The following TBC1D5 variants were observed in gnomAD, a reference collection of about 807,000 sequenced individuals.
TBC1D5 encodes TBC1 domain family, member 5.
In TBC1D5, 75 loss-of-function variants were observed where a neutral mutation model predicts 100.3. That is an observed-to-expected ratio of 0.75 (90% CI 0.62 to 0.91). TBC1D5 has a LOEUF of 0.91. Among genes scored for constraint, TBC1D5 ranks in the 40% least tolerant of loss-of-function variants. TBC1D5 has a pLI of 0.00. For synonymous variants in TBC1D5, 323 were observed against 325.6 expected (o/e 0.99, Z 0.09); for missense variants, 910 against 942.4 (o/e 0.97, Z 0.45).
At chr3:17,157,573 CA>C (rs10718493) in exon 22 of TBC1D5, 30,552 of 152,294 alleles carry the variant, frequency 0.2, 3,729 homozygotes, top group East Asian at 0.56. Context: ...GGGCAGGGGC[CA>C]GGGGCCAGGT....
intron 13 of TBC1D5, chr3:17,337,557 T>C (rs577446173): frequency 2.0e-5 from 3 of 152,318 alleles, no homozygotes; most frequent in South Asian, 2.1e-4. Context: ...GGATCCTTAA[T>C]TGAGCCTCTT....
chr3:17,566,172 T>C (rs1304322853), intron 2 of TBC1D5, among the ~76,000 whole-genome samples: 3 of 152,070 alleles, frequency 2.0e-5, no homozygotes, highest in Admixed American at 6.5e-5. Context: ...TATTCAGTTA[T>C]GTGAGCATTT....
chr3:17,365,659 G>A (rs1296973156), intron 13 of TBC1D5, among the ~76,000 whole-genome samples: 2 of 152,140 alleles, frequency 1.3e-5, no homozygotes, highest in Non-Finnish European at 2.9e-5. Context: ...CAGGGGCCTT[G>A]ATTTTCTATT....
chr3:17,285,283 C>T (rs1174419343), intron 15 of TBC1D5, among the ~76,000 whole-genome samples: 3 of 111,058 alleles, frequency 2.7e-5, no homozygotes, highest in East Asian at 3.8e-4. Flanking sequence ...TTTTTTGAGA[C>T]GGAGTCTCGC....
At chr3:17,307,113 A>G (rs903221534) in intron 14 of TBC1D5, among the ~76,000 whole-genome samples, 3 of 152,226 alleles carry the variant, frequency 2.0e-5, no homozygotes, top group Non-Finnish European at 4.4e-5. Flanking sequence ...TAACAAGAGC[A>G]TCTGGCACAA....
At chr3:17,647,986 T>C (rs770105155) in intron 1 of TBC1D5, among the ~76,000 whole-genome samples, 1 of 152,110 alleles carries the variant, frequency 6.6e-6, no homozygotes, top group South Asian at 2.1e-4. Flanking sequence ...GAAAATATTT[T>C]AAAATTCGTA....
At chr3:17,157,607 A>C (rs2065697709) in exon 22 of TBC1D5, 1 of 152,248 alleles carries the variant, frequency 6.6e-6, no homozygotes, top group Non-Finnish European at 1.5e-5. Flanking sequence ...GAAAGGAGGG[A>C]TGGAATTGGT....
chr3:17,170,323 A>G (rs1306534652), intron 19 of TBC1D5, among the ~76,000 whole-genome samples: 1 of 152,188 alleles, frequency 6.6e-6, no homozygotes, highest in African/African-American at 2.4e-5. Context: ...CAGGCCCCCA[A>G]AGGAAGCTCA....
chr3:17,229,408 T>C (rs1375818), intron 17 of TBC1D5, among the ~76,000 whole-genome samples: 68,150 of 151,978 alleles, frequency 0.45, 16,244 homozygotes, highest in African/African-American at 0.55. Context: ...ATTCTCTAGC[T>C]TGACCACAAA....
intron 1 of TBC1D5, among the ~76,000 whole-genome samples, chr3:17,626,825 T>C (rs530307805): frequency 1.5e-4 from 23 of 152,170 alleles, no homozygotes; most frequent in African/African-American, 5.3e-4. Flanking sequence ...CTGACAAAAA[T>C]GAAAGCATTT....
chr3:17,195,710 C>A (rs1559387501), intron 18 of TBC1D5, among the ~76,000 whole-genome samples: 1 of 150,866 alleles, frequency 6.6e-6, no homozygotes, highest in Non-Finnish European at 1.5e-5. Flanking sequence ...TAAGTAACAA[C>A]TGGTAAAAGC....
intron 15 of TBC1D5, among the ~76,000 whole-genome samples, chr3:17,260,535 A>G (rs183067023): frequency 6.6e-6 from 1 of 152,350 alleles, no homozygotes; most frequent in Admixed American, 6.5e-5. Context: ...GGTAGTTTAA[A>G]GTACCACTGT....
chr3:17,407,276 T>C (rs1485903854), intron 4 of TBC1D5, among the ~76,000 whole-genome samples: 1 of 152,108 alleles, frequency 6.6e-6, no homozygotes, highest in African/African-American at 2.4e-5. Context: ...AATTGGAAAT[T>C]AATTGTCCCA....
In TBC1D5 at chr3:17,238,432, GA is replaced by G. The variant is rs1466409553; in HGVS notation, c.1332-14del. On this transcript the variant is annotated splice_polypyrimidine_tract_variant and intron_variant, in intron 16 of 21. Coordinates refer to ENST00000253692, the Ensembl canonical transcript of TBC1D5. ...TTTGGCATTGGTCCTGTTAAAAAAA[GA>G]AATGGAGAAGCATTATTTACATTAG... 3.7e-6 allele frequency: 6 copies of G among 1,601,332 alleles called. No homozygotes were observed. The highest frequency in any genetic ancestry group is 5.1e-6 in the Non-Finnish European group (6 of 1,173,068).
chr3:17,670,966 C>T (rs1471113309), intron 1 of TBC1D5, among the ~76,000 whole-genome samples: 1 of 152,136 alleles, frequency 6.6e-6, no homozygotes, highest in African/African-American at 2.4e-5. Context: ...ATCACAAAAC[C>T]GTCTAAAATA....
chr3:17,384,099 G>A, intron 8 of TBC1D5, 84 bp from the exon 9 acceptor site: 1 of 1,216,040 alleles, frequency 8.2e-7, no homozygotes, highest in Non-Finnish European at 1.2e-6. Context: ...GACGTGCCAA[G>A]GGCTGCTTCA....
chr3:17,367,190 A>G (rs1348614019), intron 13 of TBC1D5, among the ~76,000 whole-genome samples: 11 of 152,158 alleles, frequency 7.2e-5, no homozygotes, highest in African/African-American at 2.4e-5. Context: ...GCCTACTAAA[A>G]CTGTTAAACT....
intron 2 of TBC1D5, among the ~76,000 whole-genome samples, chr3:17,528,675 A>C (rs938437722): frequency 2.0e-5 from 3 of 151,872 alleles, no homozygotes; most frequent in African/African-American, 4.8e-5. Flanking sequence ...GATAAAAGGG[A>C]CTCATTTATG....
intron 1 of TBC1D5, among the ~76,000 whole-genome samples, chr3:17,692,664 T>C (rs958484243): frequency 1.3e-5 from 2 of 152,236 alleles, no homozygotes. Flanking sequence ...AAAAATTATA[T>C]GCTTATTAGG....
Sources: allele counts gnomAD v4.1 joint callset (sites outside exome capture counted in the v4.1 genomes callset), GRCh38; gene constraint gnomAD v4.1.1; transcripts MANE v1.5; gene names NCBI Gene and HGNC (gene_info 2026-07-23, HGNC 2026-07-21).